SLF1: variants seen among roughly 807,000 people sequenced by gnomAD.
The protein encoded by SLF1 is SMC5-SMC6 complex localization factor protein 1.
A neutral mutation model predicts 123.0 loss-of-function variants in SLF1; 105 were observed. That is an observed-to-expected ratio of 0.85 (90% CI 0.73 to 1.00). The LOEUF (loss-of-function observed/expected upper bound fraction) is 1.00, where lower values mean the gene tolerates loss of function less well. SLF1 is among the 50% of genes least tolerant of loss of function. SLF1 has a pLI of 0.00. For missense variants in SLF1, 1,239 were observed against 1,223.0 expected (o/e 1.01, Z -0.20); for synonymous variants, 434 against 406.6 (o/e 1.07, Z -0.81).
chr5:94,687,220 G>A (rs566563337), intron 16 of SLF1, among the ~76,000 whole-genome samples: 5 of 151,064 alleles, frequency 3.3e-5, no homozygotes, highest in Non-Finnish European at 5.9e-5. Flanking sequence ...GTAGGTGAGT[G>A]CCTGCAGGTG....
At chr5:94,680,225 GC>G (rs1011901753) in intron 15 of SLF1, among the ~76,000 whole-genome samples, 5 of 152,166 alleles carry the variant, frequency 3.3e-5, no homozygotes, top group Non-Finnish European at 7.3e-5. Flanking sequence ...ATTCGATGAT[GC>G]CCTCTGCAGA....
At position 94,692,180 on chromosome 5, in the gene SLF1, G is replaced by A. The variant is rs749313457; in HGVS notation, c.2619G>A (p.Val873=). 6.2e-7 allele frequency: 1 copy of A among 1,613,884 alleles called. No individual in the cohort carries two copies. Among genetic ancestry groups the A allele is most frequent in the South Asian group, 1.1e-5 (1 of 91,080 alleles). Residue 873 remains valine, a synonymous_variant, in exon 20 of 21, where the codon GTG becomes GTA. Transcript: ENST00000265140. ...RCPEVDLLTQ[V]DGVTPLHDAL... ...CAGAGGTAGATCTGCTCACTCAAGTGGACGGGGTGACTCCTTTGCATGATG... is the reference window on the plus strand; with the variant it reads ...CAGAGGTAGATCTGCTCACTCAAGTAGACGGGGTGACTCCTTTGCATGATG...
intron 18 of SLF1, 121 bp downstream of exon 18, chr5:94,689,727 A>G: frequency 2.4e-6 from 2 of 832,712 alleles, no homozygotes; most frequent in Non-Finnish European, 3.7e-6. Flanking sequence ...TAGGTCCAGG[A>G]AGTACCTTCT....
chr5:94,618,939 A>T (rs925859136), intron 1 of SLF1, among the ~76,000 whole-genome samples, 174 bp downstream of exon 1: 1 of 152,084 alleles, frequency 6.6e-6, no homozygotes, highest in African/African-American at 2.4e-5. Context: ...AGTTCGTTCC[A>T]GCTCTCCCGA....
chr5:94,644,895 C>T (rs1219020590), intron 5 of SLF1, among the ~76,000 whole-genome samples: 1 of 152,172 alleles, frequency 6.6e-6, no homozygotes, highest in Non-Finnish European at 1.5e-5. Flanking sequence ...CACAAAGAGC[C>T]TGGCACATGG....
intron 13 of SLF1, 31 bp downstream of exon 13, chr5:94,670,310 CTAAATTTTGGTTGTTT>C (rs896016911): frequency 1.4e-6 from 2 of 1,411,614 alleles, no homozygotes; most frequent in African/African-American, 3.1e-5. Context: ...TAACACTTTT[CTAAATTTTGGTTGTTT>C]TTATGCACCA....
intron 4 of SLF1, among the ~76,000 whole-genome samples, chr5:94,640,963 C>T (rs1230999389): frequency 1.3e-5 from 2 of 152,114 alleles, no homozygotes; most frequent in Non-Finnish European, 2.9e-5. Context: ...ATTCCTTTCT[C>T]TTAACAGTGG....
intron 11 of SLF1, among the ~76,000 whole-genome samples, chr5:94,664,919 C>T (rs1304896311): frequency 2.0e-5 from 3 of 152,088 alleles, no homozygotes; most frequent in South Asian, 2.1e-4. Flanking sequence ...CCTCCACATA[C>T]GAAGGTTTTA....
At chr5:94,659,790 G>A (rs1170100458) in intron 9 of SLF1, among the ~76,000 whole-genome samples, 1 of 152,172 alleles carries the variant, frequency 6.6e-6, no homozygotes, top group African/African-American at 2.4e-5. Context: ...GTCTGGGTAG[G>A]CCAATCCCTG....
chr5:94,630,646 C>T lies in SLF1; in HGVS notation c.334C>T (p.Arg112Cys), dbSNP rs1745096874. ...AATGCAATCTGCACCTAAAAGATGGCGTGAAGAACTGAAACGCACTGGTGC... is the reference window on the plus strand; with the variant it reads ...AATGCAATCTGCACCTAAAAGATGGTGTGAAGAACTGAAACGCACTGGTGC... ...PQMQSAPKRW[R>C]EELKRTGAPG... is the part of the protein sequence containing the mutation. Residue 112 changes from arginine to cysteine, a missense_variant, in exon 4 of 21, where the codon CGT (arginine) becomes TGT (cysteine). Transcript: ENST00000265140. 6.4e-6 allele frequency: 10 copies of T among 1,551,608 alleles called. No individual in the cohort carries two copies. The highest frequency in any genetic ancestry group is 1.4e-5 in the African/African-American group (1 of 73,150).
chr5:94,624,739 A>G lies in SLF1; in HGVS notation c.1-4072A>G, dbSNP rs573814996. 2.6e-5 allele frequency among the ~76,000 whole-genome samples: 4 copies of G among 152,226 alleles called. No individual in the cohort carries two copies. The South Asian group carries it at 8.3e-4, about 32-fold the overall frequency. On this transcript the variant is annotated intron_variant, in intron 1 of 20. Transcript: ENST00000265140. ...TTCCGATTATTTAACATTAGTTTTT[A>G]TACGTCAATTTTTAGAATAGGCAAG...
chr5:94,670,894 G>A lies in SLF1; in HGVS notation c.1713G>A (p.Met571Ile). 6.5e-7 allele frequency: 1 copy of A among 1,550,090 alleles called. No individual in the cohort carries two copies. The highest frequency in any genetic ancestry group is 8.7e-7 in the Non-Finnish European group (1 of 1,145,928). The change falls in exon 14 of 21, where the codon ATG (methionine) becomes ATA (isoleucine). Residue 571 changes from methionine (M) to isoleucine (I), a missense_variant. Physicochemically the swap from Met to Ile is conservative, Grantham distance 10. Coordinates refer to ENST00000265140, the MANE Select transcript of SLF1 (RefSeq NM_032290.4). ...SQNLKITGKA[M>I]LLEIFWSGSE... ...ATCTGAAAATAACAGGAAAGGCAAT[G>A]CTTCTTGAAATTTTTTGGTCAGGAA...
In SLF1 at chr5:94,687,690, T is replaced by TCAACAACAA. The variant is rs142879632; in HGVS notation, c.2122-794_2122-786dup. Among the ~76,000 whole-genome samples the TCAACAACAA allele has an allele frequency of 7.3e-3, 1,092 of 150,234 alleles. 9 individuals are homozygous for TCAACAACAA. Among genetic ancestry groups the TCAACAACAA allele is most frequent in the African/African-American group, 0.024 (987 of 40,802 alleles). ...CTAGGTGGCACACTAAGACCCTGTC[T>TCAACAACAA]CAACAACAACAACAACAACAACAAC... On this transcript the variant is annotated intron_variant, in intron 16 of 20. Coordinates refer to ENST00000265140, the MANE Select transcript of SLF1 (RefSeq NM_032290.4).
Position 94,686,720 on chromosome 5 carries a change from T to G in SLF1, c.2121+2T>G. On this transcript the variant is annotated splice_donor_variant, in intron 16 of 20. Transcript: ENST00000265140. LOFTEE classifies it high-confidence loss of function. ...GAGCCACTCTCTCTTCAGAAAATGG[T>G]AAGTACCTCTCTATTCTGGTTCTTT... 6.2e-7 allele frequency: 1 copy of G among 1,613,222 alleles called. No homozygotes were observed. Among genetic ancestry groups the G allele is most frequent in the Non-Finnish European group, 8.5e-7 (1 of 1,179,580 alleles).
chr5:94,645,493 G>A lies in SLF1; in HGVS notation c.594+2058G>A, dbSNP rs114163051. Among the ~76,000 whole-genome samples the A allele has an allele frequency of 5.4e-3, 816 of 152,126 alleles. 7 individuals are homozygous for A. The highest frequency in any genetic ancestry group is 0.025 in the South Asian group (118 of 4,814). ...AAGCACATTATCTGATAGACCGCTC[G>A]GAATAGTTTAAATGTAGTATTAACT... On this transcript the variant is annotated intron_variant, in intron 5 of 20. Transcript: ENST00000265140.
At chr5:94,690,819 GA>G (rs1413562482) in intron 18 of SLF1, among the ~76,000 whole-genome samples, 3 of 151,882 alleles carry the variant, frequency 2.0e-5, no homozygotes, top group African/African-American at 7.3e-5. Flanking sequence ...ATTTTAGCCA[GA>G]AGGCATTAAT....
At chr5:94,643,942 G>A (rs1171655906) in intron 5 of SLF1, among the ~76,000 whole-genome samples, 3 of 151,948 alleles carry the variant, frequency 2.0e-5, no homozygotes, top group Non-Finnish European at 4.4e-5. Context: ...GTCCAAAAAC[G>A]ACCTTGTTAT....
intron 3 of SLF1, among the ~76,000 whole-genome samples, chr5:94,629,380 A>G (rs1008534387): frequency 1.3e-5 from 2 of 151,348 alleles, no homozygotes; most frequent in Admixed American, 1.3e-4. Context: ...AGAAATATTT[A>G]CCTCAACAAG....
intron 14 of SLF1, 113 bp from the exon 15 acceptor site, chr5:94,678,695 C>A: frequency 3.4e-6 from 3 of 882,884 alleles, no homozygotes; most frequent in South Asian, 1.8e-5. Flanking sequence ...TCATTACATA[C>A]CCTGTATTTT....
Sources: allele counts gnomAD v4.1 joint callset (sites outside exome capture counted in the v4.1 genomes callset), GRCh38; gene constraint gnomAD v4.1.1; transcripts MANE v1.5; gene names NCBI Gene and HGNC (gene_info 2026-07-23, HGNC 2026-07-21).